The following DPP8 variants were observed in gnomAD, a reference collection of about 807,000 sequenced individuals.
DPP8 encodes the protein DPP VIII.
In DPP8, 31 loss-of-function variants were observed where a neutral mutation model predicts 107.5. The observed-to-expected ratio is 0.29, with a 90% CI of 0.22 to 0.39. The LOEUF (loss-of-function observed/expected upper bound fraction) is 0.39, where lower values mean the gene tolerates loss of function less well. Ranked by LOEUF, DPP8 falls within the 10% of genes least tolerant of loss-of-function variation. DPP8 has a pLI of 1.00. For synonymous variants in DPP8, 381 were observed against 356.6 expected (o/e 1.07, Z -0.77); for missense variants, 842 against 1,076.1 (o/e 0.78, Z 3.04).
chr15:65,464,646 C>T (rs1024127114), intron 14 of DPP8, among the ~76,000 whole-genome samples: 2 of 152,092 alleles, frequency 1.3e-5, no homozygotes, highest in Non-Finnish European at 2.9e-5. Flanking sequence ...CCTGTGACTG[C>T]GCCACTGCAC....
At chr15:65,483,752 A>G (rs2067152871) in intron 8 of DPP8, among the ~76,000 whole-genome samples, 1 of 152,202 alleles carries the variant, frequency 6.6e-6, no homozygotes, top group Non-Finnish European at 1.5e-5. Flanking sequence ...AAATGAAAAC[A>G]TAAGCCCACA....
At chr15:65,495,536 A>G (rs993840926) in intron 5 of DPP8, among the ~76,000 whole-genome samples, 8 of 152,108 alleles carry the variant, frequency 5.3e-5, no homozygotes, top group Non-Finnish European at 1.2e-4. Context: ...CGCAGGAGGC[A>G]GAGGTTACAG....
At chr15:65,494,126 G>C (rs2068322210) in intron 5 of DPP8, among the ~76,000 whole-genome samples, 2 of 142,336 alleles carry the variant, frequency 1.4e-5, no homozygotes, top group Admixed American at 7.2e-5. Flanking sequence ...TGGTAGACTT[G>C]AAATTCAAAC....
intron 16 of DPP8, 50 bp downstream of exon 16, chr15:65,456,175 A>T: frequency 6.3e-7 from 1 of 1,584,312 alleles, no homozygotes; most frequent in African/African-American, 1.4e-5. Context: ...CAAACAATGG[A>T]CCAGAAAATG....
In DPP8 at chr15:65,464,000, G is replaced by A. The variant is rs576231429; in HGVS notation, c.1826-94C>T. 61 of 952,952 alleles carry A rather than the reference G, an allele frequency of 6.4e-5. No homozygotes were observed. In the East Asian group the frequency reaches 8.1e-4, roughly 13 times the overall value. The allele number at this position is 952,952 out of a possible 1,614,324, so 59.0% of individuals were successfully genotyped here. On this transcript the variant is annotated intron_variant, in intron 14 of 19. Coordinates refer to ENST00000300141, the MANE Select transcript of DPP8 (RefSeq NM_130434.5). The stretch of plus-strand genomic sequence containing the variant: ...AAACAAGATATTAAAAGTCAGCCCC[G>A]CCAACACAAACTGACCACCCCTCTT...
intron 4 of DPP8, among the ~76,000 whole-genome samples, chr15:65,499,689 T>C (rs1265799307): frequency 6.6e-6 from 1 of 152,080 alleles, no homozygotes; most frequent in African/African-American, 2.4e-5. Flanking sequence ...CTCAGCTTCC[T>C]GAGTAGCTGG....
At chr15:65,463,680 C>T (rs749489221) in intron 15 of DPP8, 81 bp downstream of exon 15, 144 of 1,237,258 alleles carry the variant, frequency 1.2e-4, no homozygotes, top group Non-Finnish European at 1.6e-4. Context: ...AAATCTTAAA[C>T]TGACTAGACA....
chr15:65,477,395 C>CA (rs112612997), intron 11 of DPP8, among the ~76,000 whole-genome samples: 30,743 of 150,680 alleles, frequency 0.2, 3,487 homozygotes, highest in African/African-American at 0.3. Flanking sequence ...GACTCCGTCT[C>CA]AAAAAAATAA....
chr15:65,448,688 A>ATATATATAT (rs1206941724), intron 19 of DPP8, among the ~76,000 whole-genome samples: 7 of 127,736 alleles, frequency 5.5e-5, no homozygotes, highest in African/African-American at 2.2e-4. Flanking sequence ...AAAAAAAAAA[A>ATATATATAT]AAATATATAT....
rs1487040491 is a variant in DPP8, at chr15:65,466,674, A to G, written c.1825+4T>C. The G allele has an allele frequency of 6.2e-7, 1 of 1,613,474 alleles. No homozygotes were observed. Among genetic ancestry groups the G allele is most frequent in the African/African-American group, 1.3e-5 (1 of 74,906 alleles). ...ACGTCAGGATCAGGGGGAAAAAAGA[A>G]TACCTGCTGAATCCAAAATGGTGGC... On this transcript the variant is annotated splice_donor_region_variant and intron_variant, in intron 14 of 19. Coordinates refer to ENST00000300141, the MANE Select transcript of DPP8 (RefSeq NM_130434.5).
In DPP8 at chr15:65,466,817, G is replaced by A. The variant is rs1196733289; in HGVS notation, c.1690-4C>T. ...TACTTATAAAGAAGTCACAGTGCTA[G>A]AGAAAGGAGAAACAATTATATTTTT... is the stretch of plus-strand genomic sequence containing the variant. On this transcript the variant is annotated splice_polypyrimidine_tract_variant and splice_region_variant and intron_variant, in intron 13 of 19. Transcript: ENST00000300141. 1 of 1,607,238 alleles carries A rather than the reference G, an allele frequency of 6.2e-7. No homozygotes were observed. The highest frequency in any genetic ancestry group is 1.3e-5 in the African/African-American group (1 of 74,446).
At chr15:65,500,419 A>C (rs919356675) in intron 4 of DPP8, among the ~76,000 whole-genome samples, 187 bp downstream of exon 4, 1 of 139,044 alleles carries the variant, frequency 7.2e-6, no homozygotes, top group Non-Finnish European at 1.5e-5. Context: ...ATTCTGTCTC[A>C]AAAAAAAAAA....
At chr15:65,449,924 T>C (rs2063843036) in intron 19 of DPP8, among the ~76,000 whole-genome samples, 1 of 152,096 alleles carries the variant, frequency 6.6e-6, no homozygotes, top group Non-Finnish European at 1.5e-5. Context: ...TTTCTCTCTA[T>C]GAAAAACGTG....
At chr15:65,495,667 G>A (rs1206510049) in intron 5 of DPP8, among the ~76,000 whole-genome samples, 2 of 151,690 alleles carry the variant, frequency 1.3e-5, no homozygotes, top group Non-Finnish European at 2.9e-5. Flanking sequence ...TTGGGAGGCC[G>A]AGGTGGGTGT....
intron 19 of DPP8, among the ~76,000 whole-genome samples, chr15:65,448,881 T>TCTAAA (rs1248790557): frequency 2.1e-5 from 1 of 46,896 alleles, no homozygotes; most frequent in Non-Finnish European, 4.5e-5. Flanking sequence ...TATATATATA[T>TCTAAA]ATATATATAT....
At chr15:65,510,519 A>G (rs2070629615) in intron 2 of DPP8, among the ~76,000 whole-genome samples, 1 of 149,368 alleles carries the variant, frequency 6.7e-6, no homozygotes, top group African/African-American at 2.5e-5. Flanking sequence ...GTGAATGTAC[A>G]GAAGAGAAAT....
chr15:65,462,476 T>C (rs1306309752), intron 15 of DPP8, among the ~76,000 whole-genome samples: 10 of 152,304 alleles, frequency 6.6e-5, no homozygotes, highest in Non-Finnish European at 1.5e-4. Context: ...AAGGATTGCA[T>C]TATGAAAAGA....
chr15:65,479,647 A>T (rs1229462564), intron 10 of DPP8, among the ~76,000 whole-genome samples: 1 of 151,758 alleles, frequency 6.6e-6, no homozygotes, highest in Non-Finnish European at 1.5e-5. Flanking sequence ...GATCGAGACC[A>T]TCCTGGCTAA....
rs773988340 is a variant in DPP8 at position 65,512,484 on chromosome 15, T to C, written c.70A>G (p.Ile24Val). ...AATTTAGGCCGATCCTGTGATTCAA[T>C]ATTCTCCTCACAGTCCGCAGTTTCA... ...IFETADCEENIESQDRPKLEP... is the reference protein window; with the variant it reads ...IFETADCEENVESQDRPKLEP... Residue 24 changes from isoleucine to valine, a missense_variant, in exon 2 of 20, where the codon ATT (isoleucine) becomes GTT (valine). By Grantham distance (29) the Ile-to-Val change is conservative. This residue lies in a region of DPP8 where 663 missense variants were observed against 758.0 expected (regional missense o/e 0.87). Transcript: ENST00000300141. 2 of 1,614,164 alleles carry C rather than the reference T, an allele frequency of 1.2e-6. No individual in the cohort carries two copies. The highest frequency in any genetic ancestry group is 1.7e-5 in the Admixed American group (1 of 60,006).
Sources: gnomAD v4.1 joint callset for allele counts (sites outside exome capture counted in the v4.1 genomes callset) on GRCh38, gnomAD v4.1.1 for gene constraint, gnomAD v4.1.1 regional missense constraint, MANE v1.5 for transcripts, NCBI Gene and HGNC (gene_info 2026-07-23, HGNC 2026-07-21) for gene names.